Variants in OPCML observed in about 807,000 individuals in gnomAD.
OPCML encodes opioid binding protein/cell adhesion molecule like, also known as opioid-binding protein/cell adhesion molecule.
In OPCML, 13 loss-of-function variants were observed where a neutral mutation model predicts 37.8. The observed-to-expected ratio is 0.34, with a 90% CI of 0.22 to 0.55. The LOEUF (loss-of-function observed/expected upper bound fraction) is 0.55, where lower values mean the gene tolerates loss of function less well. Ranked by LOEUF, OPCML falls within the 20% of genes least tolerant of loss-of-function variation. OPCML has a pLI of 0.91. For synonymous variants in OPCML, 176 were observed against 168.8 expected, an observed-to-expected ratio of 1.04 and a Z score of -0.33; for missense variants, 341 against 435.6, an observed-to-expected ratio of 0.78 and a Z score of 1.93.
intron 5 of OPCML, chr11:132,436,985 G>A: frequency 1.1e-6 from 1 of 915,262 alleles, no homozygotes; most frequent in African/African-American, 1.8e-5. Flanking sequence ...TCTTTTTCAG[G>A]CCTCCAAACC....
At chr11:133,473,173 C>T (rs886458672) in intron 1 of OPCML, among the ~76,000 whole-genome samples, 2 of 148,692 alleles carry the variant, frequency 1.3e-5, no homozygotes, top group Non-Finnish European at 2.9e-5. Context: ...ACTTTGACCT[C>T]CCCCTAAGGC....
chr11:132,693,262 A>G (rs774925294), intron 2 of OPCML, among the ~76,000 whole-genome samples: 2 of 152,216 alleles, frequency 1.3e-5, no homozygotes, highest in Non-Finnish European at 2.9e-5. Context: ...TTGAAGGCAG[A>G]GGAGACAGCA....
chr11:133,375,668 G>C lies in OPCML; in HGVS notation c.61+156596C>G, dbSNP rs377518895. Among the ~76,000 whole-genome samples the C allele has an allele frequency of 2.0e-4, 31 of 152,124 alleles. No homozygotes were observed. The East Asian group carries it at 4.7e-3, about 23-fold the overall frequency. On this transcript the variant is annotated intron_variant, in intron 1 of 7. Coordinates refer to ENST00000524381, the MANE Select transcript of OPCML (RefSeq NM_001012393.5). ...CTTCTCCTTGTACTTACACTTATCT[G>C]TCCTTATTTGAGCTGCTGCTATGGC...
chr11:133,442,266 C>A, intron 1 of OPCML, among the ~76,000 whole-genome samples: 1 of 152,014 alleles, frequency 6.6e-6, no homozygotes. Context: ...CAAATTGGCA[C>A]AAATCTTTTA....
intron 1 of OPCML, among the ~76,000 whole-genome samples, chr11:133,389,491 G>A (rs995886240): frequency 1.3e-5 from 2 of 152,120 alleles, no homozygotes; most frequent in African/African-American, 4.8e-5. Context: ...AAAACCTATC[G>A]TGTGAGATTT....
intron 1 of OPCML, chr11:133,420,876 T>C (rs1945871681): frequency 1.0e-6 from 1 of 985,348 alleles, no homozygotes; most frequent in African/African-American, 1.7e-5. Context: ...GTTCCATTTA[T>C]ATGAGCGTCT....
intron 1 of OPCML, among the ~76,000 whole-genome samples, chr11:133,114,486 A>G (rs1314869227): frequency 1.3e-5 from 2 of 152,168 alleles, no homozygotes; most frequent in Non-Finnish European, 2.9e-5. Flanking sequence ...TCAGTCTCCT[A>G]ACTGTCTTCT....
At chr11:133,361,535 G>A (rs1017941024) in intron 1 of OPCML, 7 of 156,022 alleles carry the variant, frequency 4.5e-5, no homozygotes, top group African/African-American at 7.2e-5. Context: ...CCCGTGTCCC[G>A]GCGCGCAGAC....
intron 2 of OPCML, among the ~76,000 whole-genome samples, chr11:132,817,666 G>A (rs1939709284): frequency 1.3e-5 from 2 of 152,040 alleles, no homozygotes; most frequent in South Asian, 4.2e-4. Context: ...GCTTTACCAG[G>A]AGGGCTTTGA....
chr11:133,261,480 G>A (rs1344007743), intron 1 of OPCML, among the ~76,000 whole-genome samples: 2 of 151,956 alleles, frequency 1.3e-5, no homozygotes, highest in South Asian at 2.1e-4. Context: ...CTGGCACATG[G>A]TCTGCGTCCG....
intron 1 of OPCML, among the ~76,000 whole-genome samples, chr11:133,201,527 ATAAGTAAG>A: frequency 6.6e-6 from 1 of 152,300 alleles, no homozygotes; most frequent in Non-Finnish European, 1.5e-5. Context: ...CCAGTTTATC[ATAAGTAAG>A]TAGGTAAGTG....
At chr11:132,848,338 T>C (rs540550054) in intron 2 of OPCML, among the ~76,000 whole-genome samples, 1 of 152,342 alleles carries the variant, frequency 6.6e-6, no homozygotes, top group East Asian at 1.9e-4. Flanking sequence ...GGATGGATGA[T>C]GGTTTTCACT....
intron 1 of OPCML, among the ~76,000 whole-genome samples, chr11:133,078,696 AGCT>A (rs1948660938): frequency 6.6e-6 from 1 of 152,088 alleles, no homozygotes; most frequent in Non-Finnish European, 1.5e-5. Context: ...CACCACGGGC[AGCT>A]CCCTGAGCGC....
intron 1 of OPCML, among the ~76,000 whole-genome samples, chr11:133,372,609 T>C (rs1483847953): frequency 6.6e-6 from 1 of 152,224 alleles, no homozygotes; most frequent in Admixed American, 6.5e-5. Flanking sequence ...TACAGGATTT[T>C]CACAGGACTA....
chr11:133,038,333 C>T (rs566979760), intron 1 of OPCML, among the ~76,000 whole-genome samples: 1 of 152,324 alleles, frequency 6.6e-6, no homozygotes, highest in South Asian at 2.1e-4. Context: ...CTCACCCTTC[C>T]TTTCACAGTC....
chr11:132,452,415 G>A (rs1055792896), intron 4 of OPCML, among the ~76,000 whole-genome samples: 1 of 152,070 alleles, frequency 6.6e-6, no homozygotes, highest in Non-Finnish European at 1.5e-5. Context: ...TCCAGTCAGC[G>A]ACAGCACCTC....
At chr11:132,842,741 C>A (rs185734832) in intron 2 of OPCML, among the ~76,000 whole-genome samples, 2 of 152,300 alleles carry the variant, frequency 1.3e-5, no homozygotes, top group Admixed American at 1.3e-4. Flanking sequence ...TCTGTTTAGA[C>A]GCACTGCCAA....
At chr11:132,819,932 T>A (rs7342151) in intron 2 of OPCML, among the ~76,000 whole-genome samples, 99,105 of 151,906 alleles carry the variant, frequency 0.65, 32,775 homozygotes, top group East Asian at 0.76. Context: ...ATGTGCCTTC[T>A]CCCCCAGGGT....
intron 1 of OPCML, among the ~76,000 whole-genome samples, chr11:133,414,217 A>G (rs1945712124): frequency 6.6e-6 from 1 of 152,168 alleles, no homozygotes; most frequent in Admixed American, 6.5e-5. Flanking sequence ...ACCCTAAAAA[A>G]GCCTCCATGG....
Sources: gnomAD v4.1 joint callset for allele counts (sites outside exome capture counted in the v4.1 genomes callset) on GRCh38, gnomAD v4.1.1 for gene constraint, MANE v1.5 for transcripts, NCBI Gene and HGNC (gene_info 2026-07-23, HGNC 2026-07-21) for gene names.